WWOX: variants seen among roughly 807,000 people sequenced by gnomAD.
WWOX encodes WW domain-containing oxidoreductase.
A neutral mutation model predicts 46.2 loss-of-function variants in WWOX; 69 were observed. That is an observed-to-expected ratio of 1.49 (90% confidence interval 1.23 to 1.82). WWOX has a LOEUF of 1.82. Among genes scored for constraint, WWOX ranks in the 40% most tolerant of loss-of-function variants. WWOX has a pLI of 0.00. For synonymous variants in WWOX, 359 were observed against 202.6 expected, an observed-to-expected ratio of 1.77 and a Z score of -6.56; for missense variants, 919 against 542.6, an observed-to-expected ratio of 1.69 and a Z score of -6.89.
chr16:78,155,812 T>C (rs989235940), intron 4 of WWOX, among the ~76,000 whole-genome samples: 3 of 152,244 alleles, frequency 2.0e-5, no homozygotes, highest in Non-Finnish European at 2.9e-5. Flanking sequence ...AAACTGGCCG[T>C]CAGCTGCAGT....
intron 2 of WWOX, 34 bp downstream of exon 2, chr16:78,108,521 A>T: frequency 1.2e-6 from 2 of 1,610,136 alleles, no homozygotes; most frequent in Non-Finnish European, 1.7e-6. Context: ...TCTTGGATGG[A>T]AGCATTAAGT....
intron 8 of WWOX, among the ~76,000 whole-genome samples, chr16:78,680,826 A>T (rs965781444): frequency 6.6e-6 from 1 of 152,130 alleles, no homozygotes; most frequent in Non-Finnish European, 1.5e-5. Context: ...GCTTAGTTTT[A>T]TTGGCCAGGC....
chr16:78,128,245 G>C (rs1309072300), intron 4 of WWOX, among the ~76,000 whole-genome samples: 2 of 152,100 alleles, frequency 1.3e-5, no homozygotes, highest in Non-Finnish European at 2.9e-5. Flanking sequence ...ATCTTCTTCA[G>C]GGTTTACGAA....
chr16:78,914,442 T>G (rs1328010657), intron 8 of WWOX, among the ~76,000 whole-genome samples: 1 of 152,048 alleles, frequency 6.6e-6, no homozygotes, highest in African/African-American at 2.4e-5. Context: ...ACGCTGTACT[T>G]TGAAACAGTT....
At chr16:78,710,473 CAT>C (rs544025863) in intron 8 of WWOX, among the ~76,000 whole-genome samples, 2,722 of 63,570 alleles carry the variant, frequency 0.043, 302 homozygotes, top group African/African-American at 0.13. Context: ...TAATGGATCT[CAT>C]ATATATATAT....
intron 8 of WWOX, among the ~76,000 whole-genome samples, chr16:78,610,014 G>A (rs1429918594): frequency 7.6e-6 from 1 of 131,312 alleles, no homozygotes; most frequent in East Asian, 2.3e-4. Context: ...TTATTTAGCA[G>A]AAGGTAGCTC....
At chr16:78,540,270 G>T (rs1477601195) in intron 8 of WWOX, among the ~76,000 whole-genome samples, 1 of 151,898 alleles carries the variant, frequency 6.6e-6, no homozygotes, top group Non-Finnish European at 1.5e-5. Flanking sequence ...CAAGAACCCA[G>T]GTGCTTTTTA....
At chr16:78,399,192 G>A (rs2151942782) in intron 6 of WWOX, among the ~76,000 whole-genome samples, 1 of 152,334 alleles carries the variant, frequency 6.6e-6, no homozygotes, top group East Asian at 1.9e-4. Flanking sequence ...TGGAACGGAA[G>A]AAGAGGGAAG....
At chr16:78,413,340 C>T (rs1220617415) in intron 6 of WWOX, among the ~76,000 whole-genome samples, 1 of 152,132 alleles carries the variant, frequency 6.6e-6, no homozygotes, top group African/African-American at 2.4e-5. Context: ...TTTATTTCAC[C>T]TGGGTGCAGG....
intron 8 of WWOX, among the ~76,000 whole-genome samples, chr16:78,856,249 C>T (rs1015135493): frequency 1.3e-5 from 2 of 152,142 alleles, no homozygotes; most frequent in South Asian, 2.1e-4. Context: ...TTGGAAAGGG[C>T]CTTGCAACAG....
intron 8 of WWOX, among the ~76,000 whole-genome samples, chr16:78,744,920 C>G (rs974391496): frequency 6.6e-6 from 1 of 152,176 alleles, no homozygotes; most frequent in Non-Finnish European, 1.5e-5. Context: ...TCTGTTTCCT[C>G]CTATGTCAGG....
chr16:78,142,350 G>A (rs1303152553), intron 4 of WWOX, among the ~76,000 whole-genome samples: 1 of 152,184 alleles, frequency 6.6e-6, no homozygotes, highest in Non-Finnish European at 1.5e-5. Context: ...CTGTGTAGCA[G>A]TGTGTTATAG....
Position 78,171,674 on chromosome 16 carries a change from C to T in WWOX, c.516+7385C>T, listed in dbSNP as rs572920553. ...AATAGTTGTAGATTACCGGGAAGAGCGCATCCTAAATCAGCCATTAGATTT... is the reference window on the plus strand; with the variant it reads ...AATAGTTGTAGATTACCGGGAAGAGTGCATCCTAAATCAGCCATTAGATTT... On this transcript the variant is annotated intron_variant, in intron 5 of 8. Transcript: ENST00000566780. Among the ~76,000 whole-genome samples, 10 of 152,232 alleles carry T rather than the reference C, an allele frequency of 6.6e-5. No individual in the cohort carries two copies. The South Asian group carries it at 1.2e-3, about 19-fold the overall frequency.
chr16:79,045,780 C>CTTTTTTTTTTTTTTTTTTTTTTT (rs770463813), intron 8 of WWOX, among the ~76,000 whole-genome samples: 2 of 54,228 alleles, frequency 3.7e-5, no homozygotes, highest in African/African-American at 5.4e-5. Flanking sequence ...TTTTCTTTTC[C>CTTTTTTTTTTTTTTTTTTTTTTT]TTTTTTTTTT....
intron 8 of WWOX, among the ~76,000 whole-genome samples, chr16:78,506,944 C>T (rs1288510112): frequency 2.0e-5 from 3 of 152,054 alleles, no homozygotes; most frequent in Non-Finnish European, 4.4e-5. Flanking sequence ...GAACTCCTGA[C>T]CTCAAGTGAT....
intron 8 of WWOX, among the ~76,000 whole-genome samples, chr16:78,836,330 C>T (rs781237336): frequency 2.2e-4 from 34 of 152,100 alleles, no homozygotes; most frequent in African/African-American, 6.5e-4. Context: ...ACCTTATGCT[C>T]CATTTGCAAA....
At chr16:78,131,288 C>T (rs191845858) in intron 4 of WWOX, among the ~76,000 whole-genome samples, 3 of 152,298 alleles carry the variant, frequency 2.0e-5, no homozygotes, top group East Asian at 1.9e-4. Flanking sequence ...TCATAGCTCA[C>T]TGTAGCCTCT....
At chr16:78,710,658 A>G (rs1304373163) in intron 8 of WWOX, among the ~76,000 whole-genome samples, 1 of 150,720 alleles carries the variant, frequency 6.6e-6, no homozygotes, top group Non-Finnish European at 1.5e-5. Flanking sequence ...TCTGTCACTC[A>G]GGCTGGAGTG....
chr16:79,024,971 A>G (rs953082090), intron 8 of WWOX, among the ~76,000 whole-genome samples: 2 of 152,158 alleles, frequency 1.3e-5, no homozygotes, highest in Non-Finnish European at 2.9e-5. Flanking sequence ...GGCCTACACA[A>G]CAGGAGTTCA....
Sources: allele counts gnomAD v4.1 joint callset (sites outside exome capture counted in the v4.1 genomes callset), GRCh38; gene constraint gnomAD v4.1.1; transcripts MANE v1.5; gene names NCBI Gene and HGNC (gene_info 2026-07-23, HGNC 2026-07-21).